The following LIPH variants were observed in gnomAD, a reference collection of about 807,000 sequenced individuals.
LIPH encodes the protein lipase member H.
In LIPH, 32 loss-of-function variants were observed where a neutral mutation model predicts 47.6. The ratio of observed to expected loss-of-function variants is 0.67; its 90% CI spans 0.51 to 0.90. The LOEUF (loss-of-function observed/expected upper bound fraction) is 0.90. LIPH is among the 40% of genes least tolerant of loss of function. The probability of loss-of-function intolerance (pLI) is 0.00; values close to 1 mark genes in which losing one functional copy is unlikely to be tolerated. For synonymous variants in LIPH, 190 were observed against 195.6 expected (o/e 0.97, Z 0.24); for missense variants, 497 against 541.4 (o/e 0.92, Z 0.81).
chr3:185,538,846 C>CAT (rs1279385022), intron 1 of LIPH, among the ~76,000 whole-genome samples: 6 of 87,552 alleles, frequency 6.9e-5, no homozygotes, highest in Admixed American at 2.7e-4. Flanking sequence ...CATATATACA[C>CAT]ATATATATAC....
At chr3:185,530,532 C>T (rs1426773445) in intron 3 of LIPH, among the ~76,000 whole-genome samples, 5 of 151,084 alleles carry the variant, frequency 3.3e-5, no homozygotes, top group Non-Finnish European at 7.4e-5. Flanking sequence ...TAGCTGGGTG[C>T]GGTAGCAGGA....
chr3:185,551,127 T>A (rs996520448), intron 1 of LIPH, among the ~76,000 whole-genome samples: 2 of 152,026 alleles, frequency 1.3e-5, no homozygotes, highest in African/African-American at 4.8e-5. Context: ...TGAGCCGAGA[T>A]CACGCCACTG....
chr3:185,509,057 C>A (rs1333115484), intron 9 of LIPH, among the ~76,000 whole-genome samples, 180 bp from the exon 10 acceptor site: 1 of 151,514 alleles, frequency 6.6e-6, no homozygotes, highest in South Asian at 2.1e-4. Flanking sequence ...TTTAAGAGGC[C>A]GAGGCGGGCA....
At chr3:185,533,735 T>C (rs1046858973) in intron 2 of LIPH, 56 bp from the exon 3 acceptor site, 50 of 1,139,542 alleles carry the variant, frequency 4.4e-5, no homozygotes, top group Non-Finnish European at 5.9e-5. Flanking sequence ...GAATTAACAT[T>C]TGTAGAAATT....
At chr3:185,509,812 CAAAT>C (rs764350600) in intron 9 of LIPH, among the ~76,000 whole-genome samples, 1 of 151,838 alleles carries the variant, frequency 6.6e-6, no homozygotes, top group Non-Finnish European at 1.5e-5. Context: ...TAGATTTTGT[CAAAT>C]AAACATATAT....
At chr3:185,546,926 AC>A (rs1560173417) in intron 1 of LIPH, 4 of 452,130 alleles carry the variant, frequency 8.8e-6, no homozygotes, top group Non-Finnish European at 1.8e-5. Context: ...ACTGGAGAAA[AC>A]CCTCTTCAAA....
At chr3:185,548,105 C>T (rs534117671) in intron 1 of LIPH, among the ~76,000 whole-genome samples, 32 of 152,078 alleles carry the variant, frequency 2.1e-4, no homozygotes, top group East Asian at 1.2e-3. Flanking sequence ...TTGCCTTCCT[C>T]GTATTAGAAA....
Position 185,535,038 on chromosome 3 carries a change from C to T in LIPH, c.144G>A (p.Arg48=), listed in dbSNP as rs886383159. ...GLNVRLMLYT[R]KNLTCAQTIN... ...TGGTTTGTGCGCAGGTCAGGTTTTTCCTTGTGTAGAGCATCAGCCTCACAT... is the reference window on the plus strand; with the variant it reads ...TGGTTTGTGCGCAGGTCAGGTTTTTTCTTGTGTAGAGCATCAGCCTCACAT... The change falls in exon 2 of 10, where the codon AGG becomes AGA. Residue 48 remains arginine (R), a synonymous_variant. Coordinates refer to ENST00000296252, the MANE Select transcript of LIPH (RefSeq NM_139248.3). 25 of 1,613,584 alleles carry T rather than the reference C, an allele frequency of 1.5e-5. No homozygotes were observed. The African/African-American group carries it at 1.6e-4, about 10-fold the overall frequency.
At chr3:185,517,015 C>A in intron 7 of LIPH, 52 bp downstream of exon 7, 1 of 1,168,666 alleles carries the variant, frequency 8.6e-7, no homozygotes, top group South Asian at 1.2e-5. Context: ...GAGACTCAGC[C>A]ATCCCCAAAA....
intron 3 of LIPH, among the ~76,000 whole-genome samples, chr3:185,532,893 C>CCT (rs1720377140): frequency 6.6e-6 from 1 of 152,146 alleles, no homozygotes; most frequent in South Asian, 2.1e-4. Context: ...TAATCATTTA[C>CCT]CTCTCCCCTT....
intron 3 of LIPH, 112 bp from the exon 4 acceptor site, chr3:185,527,697 G>T: frequency 1.4e-6 from 1 of 728,318 alleles, no homozygotes; most frequent in Non-Finnish European, 2.5e-6. Context: ...CCCTCAGGTG[G>T]GTGAGCGCTC....
chr3:185,527,928 A>G, intron 3 of LIPH, among the ~76,000 whole-genome samples: 1 of 151,264 alleles, frequency 6.6e-6, no homozygotes. Context: ...AGGGCACATT[A>G]AAGAGAAAAG....
At chr3:185,512,672 G>A (rs190164447) in intron 8 of LIPH, among the ~76,000 whole-genome samples, 237 of 151,624 alleles carry the variant, frequency 1.6e-3, no homozygotes, top group African/African-American at 5.6e-3. Flanking sequence ...TATTTTTAAT[G>A]GAGACAGGGT....
chr3:185,552,300 T>C, intron 1 of LIPH, 123 bp downstream of exon 1: 1 of 674,656 alleles, frequency 1.5e-6, no homozygotes, highest in South Asian at 1.8e-5. Flanking sequence ...TATATCTTTT[T>C]CCTTAAAAAC....
intron 9 of LIPH, among the ~76,000 whole-genome samples, chr3:185,510,342 T>TA (rs1305799021): frequency 7.9e-5 from 12 of 152,244 alleles, no homozygotes; most frequent in African/African-American, 2.9e-4. Context: ...GCTAGGACTA[T>TA]ATGGTAGACT....
At chr3:185,512,487 CTTTTT>C (rs549114120) in intron 8 of LIPH, among the ~76,000 whole-genome samples, 8 of 130,958 alleles carry the variant, frequency 6.1e-5, no homozygotes, top group Admixed American at 7.9e-5. Context: ...GACATTAATC[CTTTTT>C]TTTTTTTTTT....
intron 3 of LIPH, among the ~76,000 whole-genome samples, chr3:185,529,851 T>C (rs548215116): frequency 3.6e-4 from 54 of 147,960 alleles, no homozygotes; most frequent in African/African-American, 1.3e-3. Flanking sequence ...GATTGTGCCA[T>C]TGCCCTCCAG....
intron 1 of LIPH, among the ~76,000 whole-genome samples, chr3:185,545,527 A>G (rs1157080149): frequency 1.3e-5 from 2 of 152,202 alleles, no homozygotes; most frequent in Non-Finnish European, 2.9e-5. Flanking sequence ...TGGCCCATAA[A>G]GCTGAAAATA....
rs1303958348 is a variant in LIPH, at chr3:185,508,646, T to G, written c.*144A>C. The G allele has an allele frequency of 2.0e-5, 14 of 691,002 alleles. No individual in the cohort carries two copies. The highest frequency in any genetic ancestry group is 3.4e-5 in the Non-Finnish European group (13 of 377,466). The allele number at this position is 691,002 out of a possible 1,614,324, so 42.8% of individuals were successfully genotyped here. On this transcript the variant is annotated 3_prime_UTR_variant, in exon 10 of 10. Transcript: ENST00000296252. Reference sequence around the variant, plus strand: ...AATCACAAGGTTGTTTGATGTACAATGTGACATCCATAGGACGCTACTGAA... The same window carrying G: ...AATCACAAGGTTGTTTGATGTACAAGGTGACATCCATAGGACGCTACTGAA...
Sources: allele counts gnomAD v4.1 joint callset (sites outside exome capture counted in the v4.1 genomes callset), GRCh38; gene constraint gnomAD v4.1.1; transcripts MANE v1.5; gene names NCBI Gene and HGNC (gene_info 2026-07-23, HGNC 2026-07-21).